Variants in MID1 observed in about 807,000 individuals in gnomAD.
MID1 encodes the protein midline 1.
A neutral mutation model predicts 40.4 loss-of-function variants in MID1; 7 were observed. The ratio of observed to expected loss-of-function variants is 0.17; its 90% CI spans 0.10 to 0.33. The LOEUF (loss-of-function observed/expected upper bound fraction) is 0.33. Among genes scored for constraint, MID1 ranks in the 10% least tolerant of loss-of-function variants. The pLI is 1.00. For synonymous variants in MID1, 229 were observed against 221.2 expected (o/e 1.04, Z -0.31); for missense variants, 367 against 558.5 (o/e 0.66, Z 3.46).
rs1164965921 is a variant in MID1, at chrX:10,516,605, TGTGTGC to T, written c.756+6481_756+6486del. On this transcript the variant is annotated intron_variant, in intron 3 of 9. Coordinates refer to ENST00000317552, the MANE Select transcript of MID1 (RefSeq NM_000381.4). ...GTGTGTGTGTGTGTGTGTGTGTGTG[TGTGTGC>T]GCGCGCGCACGCGTGTGTTTTAAGA... Among the ~76,000 whole-genome samples, 534 of 62,131 alleles carry T rather than the reference TGTGTGC, an allele frequency of 8.6e-3. 8 individuals are homozygous for T. The highest frequency in any genetic ancestry group is 0.032 in the African/African-American group (401 of 12,345). 54.0% of individuals were successfully genotyped at this position (62,131 alleles called of 115,157 possible).
At chrX:10,638,352 G>T (rs769000434) in intron 1 of MID1, among the ~76,000 whole-genome samples, 3 of 112,470 alleles carry the variant, frequency 2.7e-5, no homozygotes, top group African/African-American at 9.7e-5. Context: ...CACACCAGGA[G>T]ATTATATCCT....
At chrX:10,607,231 G>C (rs1418667334) in intron 1 of MID1, among the ~76,000 whole-genome samples, 4 of 111,836 alleles carry the variant, frequency 3.6e-5, no homozygotes, top group African/African-American at 1.3e-4. Context: ...AGCAAACCCA[G>C]TGAGGTAACC....
intron 4 of MID1, 101 bp from the exon 5 acceptor site, chrX:10,482,729 T>A: frequency 1.1e-6 from 1 of 920,474 alleles, no homozygotes. Context: ...TATCCTTCCA[T>A]AAAAGTTCAA....
intron 1 of MID1, among the ~76,000 whole-genome samples, chrX:10,825,989 A>C (rs771302620): frequency 7.8e-4 from 87 of 111,409 alleles, no homozygotes; most frequent in African/African-American, 2.7e-3. Context: ...ATTTTTAAAG[A>C]TGGGGAAGAT....
At chrX:10,531,703 G>C (rs1001912773) in intron 2 of MID1, among the ~76,000 whole-genome samples, 9 of 112,273 alleles carry the variant, frequency 8.0e-5, no homozygotes, top group Middle Eastern at 4.6e-3. Flanking sequence ...GTCTAGAAGA[G>C]CTTTTATTTT....
At chrX:10,742,368 A>C (rs1283252728) in intron 1 of MID1, among the ~76,000 whole-genome samples, 1 of 111,860 alleles carries the variant, frequency 8.9e-6, no homozygotes, top group Admixed American at 9.5e-5. Flanking sequence ...TAATGAAAAC[A>C]AACTACATTG....
chrX:10,720,817 G>A (rs2043346699), intron 1 of MID1, among the ~76,000 whole-genome samples: 1 of 110,135 alleles, frequency 9.1e-6, no homozygotes, highest in Non-Finnish European at 1.9e-5. Flanking sequence ...AACAATGATA[G>A]ACTGGATTAA....
At chrX:10,628,080 T>C (rs1032430613) in intron 1 of MID1, among the ~76,000 whole-genome samples, 2 of 110,275 alleles carry the variant, frequency 1.8e-5, no homozygotes, top group African/African-American at 6.5e-5. Flanking sequence ...TCATGGTGTG[T>C]GTTTTTTTTT....
chrX:10,594,094 T>C (rs1935367187), intron 1 of MID1, among the ~76,000 whole-genome samples: 2 of 111,331 alleles, frequency 1.8e-5, no homozygotes, highest in Admixed American at 9.6e-5. Flanking sequence ...AATAGTACAG[T>C]TGTTACACAC....
intron 2 of MID1, among the ~76,000 whole-genome samples, chrX:10,556,466 C>T (rs186698939): frequency 8.9e-6 from 1 of 112,025 alleles, no homozygotes; most frequent in Admixed American, 9.5e-5. Context: ...AGTTTCCACC[C>T]AATTATAATT....
At chrX:10,820,819 G>A (rs2044169261) in intron 1 of MID1, among the ~76,000 whole-genome samples, 1 of 112,206 alleles carries the variant, frequency 8.9e-6, no homozygotes, top group Non-Finnish European at 1.9e-5. Flanking sequence ...CTTTGCTGCA[G>A]GTAAGAATTA....
chrX:10,829,135 A>C (rs2044235252), intron 1 of MID1, among the ~76,000 whole-genome samples: 1 of 112,187 alleles, frequency 8.9e-6, no homozygotes, highest in Admixed American at 9.5e-5. Flanking sequence ...CCCCAAGGCA[A>C]TACATGATGA....
At chrX:10,497,615 C>T (rs767354016) in intron 3 of MID1, among the ~76,000 whole-genome samples, 1 of 111,861 alleles carries the variant, frequency 8.9e-6, no homozygotes, top group Non-Finnish European at 1.9e-5. Flanking sequence ...CACTGGTCCA[C>T]GTGACATTGG....
intron 4 of MID1, among the ~76,000 whole-genome samples, chrX:10,492,832 T>G (rs1195755791): frequency 8.9e-6 from 1 of 112,398 alleles, no homozygotes; most frequent in Non-Finnish European, 1.9e-5. Flanking sequence ...ATGTCTTTGC[T>G]TTTGCATTTT....
rs189822028 is a variant in MID1, at chrX:10,636,165, T to G, written c.-186-15746A>C. Among the ~76,000 whole-genome samples the G allele has an allele frequency of 4.5e-5, 5 of 111,969 alleles. No individual in the cohort carries two copies. The East Asian group carries it at 1.4e-3, about 32-fold the overall frequency. On this transcript the variant is annotated intron_variant, in intron 1 of 10. Coordinates refer to the MID1 transcript ENST00000380785. ...ATAGAAACCATGTGGAAGTAAGTATTGTGGAATAAAGATTTAAAACCCTTC... is the reference window on the plus strand; with the variant it reads ...ATAGAAACCATGTGGAAGTAAGTATGGTGGAATAAAGATTTAAAACCCTTC...
intron 7 of MID1, 173 bp downstream of exon 7, chrX:10,469,524 T>C (rs1929575730): frequency 8.5e-7 from 1 of 1,180,890 alleles, no homozygotes; most frequent in Admixed American, 2.3e-5. Flanking sequence ...AGCCAGCTGT[T>C]TTTACTAATG....
At chrX:10,450,284 A>C (rs1928251783) in intron 9 of MID1, among the ~76,000 whole-genome samples, 1 of 112,150 alleles carries the variant, frequency 8.9e-6, no homozygotes, top group Non-Finnish European at 1.9e-5. Context: ...CCTTCTTATA[A>C]TTTTTCATTT....
rs745913429 is a variant in MID1 at position 10,789,250 on chromosome X, T to C, written c.-187+44304A>G. ...GCTAAACTACAGAGGAATTTACAAT[T>C]ATATGACAATGAATAGATTAAAAAT... On this transcript the variant is annotated intron_variant, in intron 1 of 10. Transcript: ENST00000380785. 3.1e-4 allele frequency among the ~76,000 whole-genome samples: 35 copies of C among 112,053 alleles called. 1 individual carries two copies. Among genetic ancestry groups the C allele is most frequent in the African/African-American group, 9.1e-4 (28 of 30,860 alleles).
At chrX:10,656,765 T>A (rs753517108) in intron 1 of MID1, among the ~76,000 whole-genome samples, 493 of 104,786 alleles carry the variant, frequency 4.7e-3, no homozygotes, top group East Asian at 7.4e-3. Flanking sequence ...TGATTTTTTT[T>A]AAAAAAAAAA....
Sources: gnomAD v4.1 joint callset for allele counts (sites outside exome capture counted in the v4.1 genomes callset) on GRCh38, gnomAD v4.1.1 for gene constraint, MANE v1.5 for transcripts, NCBI Gene and HGNC (gene_info 2026-07-23, HGNC 2026-07-21) for gene names.